RORA: variants seen among roughly 807,000 people sequenced by gnomAD.
RORA encodes the protein RAR related orphan receptor A, also known as nuclear receptor ROR-alpha.
Under a neutral mutation model 69.5 loss-of-function variants are expected in RORA, and 7 were observed. That is an observed-to-expected ratio of 0.10 (90% CI 0.06 to 0.19). The LOEUF is 0.19. Among genes scored for constraint, RORA ranks in the 10% least tolerant of loss-of-function variants. The pLI, the probability that RORA is intolerant of heterozygous loss-of-function variation, is 1.00. For synonymous variants in RORA, 261 were observed against 240.8 expected (o/e 1.08, Z -0.78); for missense variants, 457 against 663.0 (o/e 0.69, Z 3.41).
intron 1 of RORA, among the ~76,000 whole-genome samples, chr15:61,210,728 G>A (rs2079983739): frequency 6.6e-6 from 1 of 152,162 alleles, no homozygotes; most frequent in Non-Finnish European, 1.5e-5. Context: ...AAAAATTCCT[G>A]GCTAAATTGC....
At chr15:60,904,602 G>A (rs1349017212) in intron 1 of RORA, among the ~76,000 whole-genome samples, 1 of 152,100 alleles carries the variant, frequency 6.6e-6, no homozygotes, top group African/African-American at 2.4e-5. Context: ...TCTCTTCCAG[G>A]GGCTGTGCAC....
chr15:60,655,564 C>T (rs339998), intron 2 of RORA, among the ~76,000 whole-genome samples: 58,491 of 151,958 alleles, frequency 0.38, 11,451 homozygotes, highest in South Asian at 0.48. Context: ...GTTTGGTATA[C>T]AGTAGGCAGT....
chr15:60,911,443 T>C (rs973545827), intron 1 of RORA, among the ~76,000 whole-genome samples: 1 of 152,158 alleles, frequency 6.6e-6, no homozygotes, highest in Non-Finnish European at 1.5e-5. Context: ...GCGGACAAAA[T>C]AGATAGTTGC....
chr15:60,991,822 C>T (rs751096258), intron 1 of RORA, among the ~76,000 whole-genome samples: 8 of 152,034 alleles, frequency 5.3e-5, no homozygotes, highest in Non-Finnish European at 1.0e-4. Context: ...GGGAAGATTG[C>T]TTGATCCCAG....
At chr15:60,727,946 C>T (rs1476161428) in intron 1 of RORA, among the ~76,000 whole-genome samples, 1 of 152,230 alleles carries the variant, frequency 6.6e-6, no homozygotes, top group Non-Finnish European at 1.5e-5. Flanking sequence ...GGCAAATACA[C>T]AGTGGACGTA....
chr15:60,748,310 A>G (rs1254949806), intron 1 of RORA, among the ~76,000 whole-genome samples: 12 of 24,094 alleles, frequency 5.0e-4, no homozygotes, highest in Middle Eastern at 0.029. Context: ...ATAATTAGCG[A>G]AAAAAAAAAA....
intron 1 of RORA, among the ~76,000 whole-genome samples, chr15:61,077,957 A>T (rs907519490): frequency 1.3e-5 from 2 of 152,178 alleles, no homozygotes; most frequent in African/African-American, 2.4e-5. Flanking sequence ...CATAGTGGCT[A>T]TGTTACATCC....
At chr15:60,976,305 T>C (rs1893871499) in intron 1 of RORA, among the ~76,000 whole-genome samples, 1 of 152,204 alleles carries the variant, frequency 6.6e-6, no homozygotes, top group Non-Finnish European at 1.5e-5. Flanking sequence ...TCTGCAAGTC[T>C]CTTTCCTCAA....
intron 1 of RORA, among the ~76,000 whole-genome samples, chr15:61,019,267 C>A (rs906133876): frequency 2.0e-5 from 3 of 152,180 alleles, no homozygotes; most frequent in Non-Finnish European, 4.4e-5. Context: ...CATGATAACC[C>A]CATTTGTTCT....
At chr15:60,586,373 A>G (rs2068334581) in intron 2 of RORA, among the ~76,000 whole-genome samples, 1 of 152,136 alleles carries the variant, frequency 6.6e-6, no homozygotes, top group African/African-American at 2.4e-5. Flanking sequence ...TGAGGAAGAA[A>G]CTGACCAAGA....
intron 2 of RORA, among the ~76,000 whole-genome samples, chr15:60,585,951 T>C (rs922602993): frequency 1.3e-5 from 2 of 152,222 alleles, no homozygotes; most frequent in African/African-American, 4.8e-5. Context: ...ATTATGGGTT[T>C]AGCCGTCCAT....
intron 1 of RORA, among the ~76,000 whole-genome samples, chr15:60,998,726 C>T (rs779525609): frequency 1.3e-5 from 2 of 152,128 alleles, no homozygotes; most frequent in Non-Finnish European, 2.9e-5. Flanking sequence ...ACAGCCTCTT[C>T]ACAAGGCTGA....
intron 1 of RORA, among the ~76,000 whole-genome samples, chr15:60,729,598 C>G (rs959073941): frequency 6.6e-6 from 1 of 152,270 alleles, no homozygotes; most frequent in East Asian, 1.9e-4. Flanking sequence ...AATTTAAATA[C>G]AATCATGAGA....
chr15:60,768,787 G>C (rs2072026475), intron 1 of RORA, among the ~76,000 whole-genome samples: 1 of 152,218 alleles, frequency 6.6e-6, no homozygotes, highest in African/African-American at 2.4e-5. Flanking sequence ...TGCAGACAAT[G>C]AGAAAGGACT....
rs2078176824 is a variant in RORA, at chr15:61,061,073, G to T, written c.166+167980C>A. Among the ~76,000 whole-genome samples the T allele has an allele frequency of 6.6e-6, 1 of 152,210 alleles. No homozygotes were observed. The highest frequency in any genetic ancestry group is 2.4e-5 in the African/African-American group (1 of 41,462). On this transcript the variant is annotated intron_variant, in intron 1 of 10. Transcript: ENST00000335670. The surrounding 1 kb of genome is among the most constrained non-coding windows in gnomAD (Gnocchi z 4.4). ...TTTGGCATTAAAGGGCATTGCAAGG[G>T]CTGGGCGCGGTGGCTCGTGCCTGTA...
chr15:60,912,284 G>C (rs918239709), intron 1 of RORA, among the ~76,000 whole-genome samples: 2 of 151,864 alleles, frequency 1.3e-5, no homozygotes, highest in East Asian at 1.9e-4. Flanking sequence ...AGCCAGATGT[G>C]GGGGGGCTGC....
In RORA at chr15:60,836,152, T is replaced by C. The variant is rs150988590; in HGVS notation, c.167-157466A>G. Among the ~76,000 whole-genome samples, 3 of 152,368 alleles carry C rather than the reference T, an allele frequency of 2.0e-5. No individual in the cohort carries two copies. The East Asian group carries it at 5.8e-4, about 29-fold the overall frequency. On this transcript the variant is annotated intron_variant, in intron 1 of 10. Coordinates refer to ENST00000335670, the MANE Select transcript of RORA (RefSeq NM_134261.3). ...CATTTAGCCGAAAGTCTAGTCTATG[T>C]GGTGTACCGTTAGTCAGCATGTGCT...
chr15:60,695,658 C>T (rs1358477263), intron 1 of RORA, among the ~76,000 whole-genome samples: 1 of 152,096 alleles, frequency 6.6e-6, no homozygotes, highest in Non-Finnish European at 1.5e-5. Flanking sequence ...GAAGGTCAGA[C>T]AGCTTTGATC....
intron 1 of RORA, among the ~76,000 whole-genome samples, chr15:60,859,655 C>CTTTCTTTTT (rs372938017): frequency 3.9e-5 from 4 of 101,592 alleles, no homozygotes; most frequent in East Asian, 6.3e-4. Flanking sequence ...TTCTTTCTTT[C>CTTTCTTTTT]TTTTTTTTTT....
Sources: gnomAD v4.1 joint callset for allele counts (sites outside exome capture counted in the v4.1 genomes callset) on GRCh38, gnomAD v4.1.1 for gene constraint, Gnocchi (gnomAD v3.1) non-coding constraint, MANE v1.5 for transcripts, NCBI Gene and HGNC (gene_info 2026-07-23, HGNC 2026-07-21) for gene names.